Variants in SLC38A11 observed in about 807,000 individuals in gnomAD.
SLC38A11 encodes the protein putative sodium-coupled neutral amino acid transporter 11.
In SLC38A11, 51 loss-of-function variants were observed where a neutral mutation model predicts 49.4. The observed-to-expected ratio is 1.03, with a 90% confidence interval of 0.83 to 1.30. SLC38A11 has a LOEUF of 1.30. SLC38A11 is among the 50% of genes most tolerant of loss of function. SLC38A11 has a pLI of 0.00. For missense variants in SLC38A11, 574 were observed against 556.2 expected, an observed-to-expected ratio of 1.03 and a Z score of -0.32; for synonymous variants, 203 against 192.9, an observed-to-expected ratio of 1.05 and a Z score of -0.43.
At chr2:164,942,117 G>A (rs13410390) in intron 5 of SLC38A11, among the ~76,000 whole-genome samples, 9,576 of 152,082 alleles carry the variant, frequency 0.063, 983 homozygotes, top group African/African-American at 0.22. Flanking sequence ...GGAAAATACA[G>A]TAATAAAATA....
intron 6 of SLC38A11, 49 bp downstream of exon 6, chr2:164,939,401 T>C (rs753507359): frequency 3.9e-6 from 5 of 1,270,154 alleles, no homozygotes; most frequent in East Asian, 4.7e-5. Context: ...CAGTAGATTA[T>C]GCAGGCAACA....
chr2:164,927,419 C>T (rs183373027), intron 7 of SLC38A11, among the ~76,000 whole-genome samples: 174 of 152,220 alleles, frequency 1.1e-3, no homozygotes, highest in Middle Eastern at 3.4e-3. Flanking sequence ...GGAGATATGA[C>T]ACTTGGTAAA....
intron 7 of SLC38A11, among the ~76,000 whole-genome samples, chr2:164,922,614 G>T (rs1264514288): frequency 6.6e-6 from 1 of 152,150 alleles, no homozygotes; most frequent in Non-Finnish European, 1.5e-5. Context: ...AGCAGTCTTC[G>T]CTTGCGGATT....
Position 164,897,277 on chromosome 2 carries a change from G to C in SLC38A11, c.*1160C>G, listed in dbSNP as rs569025198. 2 of 152,300 alleles carry C rather than the reference G, an allele frequency of 1.3e-5. No individual in the cohort carries two copies. The highest frequency in any genetic ancestry group is 4.8e-5 in the African/African-American group (2 of 41,562). 9.4% of individuals were successfully genotyped at this position (152,300 alleles called of 1,614,324 possible). On this transcript the variant is annotated 3_prime_UTR_variant, in exon 12 of 12. Coordinates refer to ENST00000685975, the MANE Select transcript of SLC38A11 (RefSeq NM_001351537.2). Reference sequence around the variant, plus strand: ...CGAGCTCTCAGTTCCTTTAGGGTTTGCTCTGCTGCAAAGAGCTGCCTAGCC... The same window carrying C: ...CGAGCTCTCAGTTCCTTTAGGGTTTCCTCTGCTGCAAAGAGCTGCCTAGCC...
intron 11 of SLC38A11, 81 bp from the exon 12 acceptor site, chr2:164,898,811 T>C (rs1188385888): frequency 2.1e-6 from 3 of 1,408,592 alleles, no homozygotes; most frequent in African/African-American, 1.4e-5. Context: ...ATTTACAAAA[T>C]GTGTTTTTCA....
chr2:164,947,117 CTTTTTT>C (rs200284770), intron 3 of SLC38A11, among the ~76,000 whole-genome samples: 73 of 72,878 alleles, frequency 1.0e-3, no homozygotes, highest in African/African-American at 5.1e-3. Context: ...TTTTTTATCT[CTTTTTT>C]TTTTTTTTTT....
intron 9 of SLC38A11, 44 bp from the exon 10 acceptor site, chr2:164,911,792 G>T: frequency 9.2e-7 from 1 of 1,092,346 alleles, no homozygotes; most frequent in Non-Finnish European, 1.3e-6. Context: ...GATACTAAAT[G>T]TTTGAGATAA....
chr2:164,908,802 AC>A, intron 10 of SLC38A11, 31 bp from the exon 11 acceptor site: 2 of 1,588,670 alleles, frequency 1.3e-6, no homozygotes. Context: ...TTTGAGAGGG[AC>A]TTTTAAAGGC....
At chr2:164,934,484 G>T (rs1302465275) in intron 7 of SLC38A11, among the ~76,000 whole-genome samples, 1 of 152,018 alleles carries the variant, frequency 6.6e-6, no homozygotes, top group African/African-American at 2.4e-5. Flanking sequence ...AATTCCTTCA[G>T]AATCTCTACA....
chr2:164,940,913 A>G (rs1687723807), intron 5 of SLC38A11, among the ~76,000 whole-genome samples: 1 of 151,950 alleles, frequency 6.6e-6, no homozygotes, highest in Non-Finnish European at 1.5e-5. Context: ...AAATCCATGC[A>G]CTCACTATTT....
At chr2:164,914,317 T>C (rs912696835) in intron 9 of SLC38A11, among the ~76,000 whole-genome samples, 1 of 151,922 alleles carries the variant, frequency 6.6e-6, no homozygotes, top group Admixed American at 6.6e-5. Flanking sequence ...ACACTGATGA[T>C]TGAATGTAAG....
At chr2:164,925,617 A>G (rs1686518041) in intron 7 of SLC38A11, among the ~76,000 whole-genome samples, 1 of 152,142 alleles carries the variant, frequency 6.6e-6, no homozygotes, top group Non-Finnish European at 1.5e-5. Flanking sequence ...TTTTTTCCAG[A>G]TCATCTTCCC....
chr2:164,952,535 A>G (rs1272816339), intron 3 of SLC38A11, among the ~76,000 whole-genome samples, 172 bp downstream of exon 3: 1 of 152,252 alleles, frequency 6.6e-6, no homozygotes, highest in Non-Finnish European at 1.5e-5. Flanking sequence ...TTAAAGGATT[A>G]GTAAGAAAAG....
chr2:164,954,568 A>G (rs1037375162), intron 2 of SLC38A11, 63 bp downstream of exon 2: 6 of 643,840 alleles, frequency 9.3e-6, no homozygotes, highest in Non-Finnish European at 1.6e-5. Context: ...GAACACTAGC[A>G]GCGTAGCGAG....
intron 11 of SLC38A11, among the ~76,000 whole-genome samples, chr2:164,903,478 C>G (rs959632551): frequency 2.6e-5 from 4 of 152,080 alleles, no homozygotes; most frequent in African/African-American, 9.7e-5. Flanking sequence ...GGAAGGATTC[C>G]AGTTGAGTAT....
At chr2:164,935,916 T>C (rs1687340813) in intron 7 of SLC38A11, among the ~76,000 whole-genome samples, 1 of 152,038 alleles carries the variant, frequency 6.6e-6, no homozygotes, top group Non-Finnish European at 1.5e-5. Context: ...TTGCTGTCTC[T>C]CTCTGCCATG....
chr2:164,898,580 C>A lies in SLC38A11; in HGVS notation c.1246G>T (p.Ala416Ser). 1 of 1,613,492 alleles carries A rather than the reference C, an allele frequency of 6.2e-7. No individual in the cohort carries two copies. Residue 416 changes from alanine to serine, a missense_variant, in exon 12 of 12, where the codon GCT becomes TCT. Coordinates refer to ENST00000685975, the MANE Select transcript of SLC38A11 (RefSeq NM_001351537.2). ...GTGCAGTCTTGAGTATTTGTAATAGCCATGACGAATCCAAAAACCATCACC... is the reference window on the plus strand; with the variant it reads ...GTGCAGTCTTGAGTATTTGTAATAGACATGACGAATCCAAAAACCATCACC... The part of the protein sequence containing the change: ...AVVMVFGFVM[A>S]ITNTQDCTHG...
chr2:164,913,076 T>G (rs1435621413), intron 9 of SLC38A11, among the ~76,000 whole-genome samples: 2 of 152,026 alleles, frequency 1.3e-5, no homozygotes, highest in East Asian at 3.9e-4. Flanking sequence ...GAAGAAAAGC[T>G]ATAATACCTC....
intron 7 of SLC38A11, among the ~76,000 whole-genome samples, chr2:164,919,699 C>T (rs1450288418): frequency 6.6e-6 from 1 of 152,116 alleles, no homozygotes; most frequent in Non-Finnish European, 1.5e-5. Context: ...AGATTGCTTA[C>T]AATATCTAAT....
Sources: allele counts gnomAD v4.1 joint callset (sites outside exome capture counted in the v4.1 genomes callset), GRCh38; gene constraint gnomAD v4.1.1; transcripts MANE v1.5; gene names NCBI Gene and HGNC (gene_info 2026-07-23, HGNC 2026-07-21).